The following ZC3H12D variants were observed in gnomAD, a reference collection of about 807,000 sequenced individuals.
The protein encoded by ZC3H12D is zinc finger CCCH-type containing 12D, also known as probable ribonuclease ZC3H12D.
Under a neutral mutation model 24.2 loss-of-function variants are expected in ZC3H12D, and 11 were observed. The observed-to-expected ratio is 0.46, with a 90% CI of 0.29 to 0.75. The LOEUF (loss-of-function observed/expected upper bound fraction) is 0.75. Ranked by LOEUF, ZC3H12D falls within the 30% of genes least tolerant of loss-of-function variation. The pLI, the probability that ZC3H12D is intolerant of heterozygous loss-of-function variation, is 0.11. For synonymous variants in ZC3H12D, 333 were observed against 341.8 expected, an observed-to-expected ratio of 0.97 and a Z score of 0.28; for missense variants, 740 against 767.7, an observed-to-expected ratio of 0.96 and a Z score of 0.43.
At chr6:149,478,847 G>C (rs1018172172) in intron 1 of ZC3H12D, among the ~76,000 whole-genome samples, 1 of 152,088 alleles carries the variant, frequency 6.6e-6, no homozygotes, top group Non-Finnish European at 1.5e-5. Context: ...CCTCCATCTG[G>C]CTTGTAGCCA....
chr6:149,454,978 T>C (rs940010166), intron 4 of ZC3H12D, among the ~76,000 whole-genome samples: 8 of 152,374 alleles, frequency 5.3e-5, no homozygotes, highest in African/African-American at 1.9e-4. Context: ...GTCCTGGGAA[T>C]AGCTGCTACC....
At chr6:149,480,282 A>C (rs566593903) in intron 1 of ZC3H12D, among the ~76,000 whole-genome samples, 1 of 152,278 alleles carries the variant, frequency 6.6e-6, no homozygotes, top group Admixed American at 6.5e-5. Flanking sequence ...GTTTTCAAAT[A>C]TGGTACATAT....
chr6:149,472,408 G>A (rs1776260225), intron 2 of ZC3H12D, among the ~76,000 whole-genome samples: 1 of 152,140 alleles, frequency 6.6e-6, no homozygotes, highest in African/African-American at 2.4e-5. Context: ...GGTTAACTCA[G>A]GTGTTTTGGA....
chr6:149,459,653 C>T, intron 3 of ZC3H12D: 1 of 717,984 alleles, frequency 1.4e-6, no homozygotes, highest in Non-Finnish European at 2.6e-6. Flanking sequence ...GGAGAATGGA[C>T]CTCCACTCAT....
At chr6:149,470,832 A>G (rs1776231792) in intron 2 of ZC3H12D, among the ~76,000 whole-genome samples, 1 of 152,222 alleles carries the variant, frequency 6.6e-6, no homozygotes. Context: ...CACTGGCCAC[A>G]TTTCAAGTGC....
At position 149,456,623 on chromosome 6, in the gene ZC3H12D, G is replaced by GGGGGGGGGGC; in HGVS notation, c.680+42_680+43insGCCCCCCCCC. On this transcript the variant is annotated intron_variant, in intron 4 of 5. Coordinates refer to ENST00000409806, the MANE Select transcript of ZC3H12D (RefSeq NM_207360.3). This position sits in a 1 kb window ranked among gnomAD's most constrained non-coding sequence, Gnocchi z 4.3. The stretch of plus-strand genomic sequence containing the variant: ...GCCACTGCCTCGACCCCGGCCCCCC[G>GGGGGGGGGGC]CCCCGCCGCCCCCCAGGGTGTCAGG... 1 of 744,584 alleles carries GGGGGGGGGGC rather than the reference G, an allele frequency of 1.3e-6. No individual in the cohort carries two copies. Among genetic ancestry groups the GGGGGGGGGGC allele is most frequent in the Non-Finnish European group, 2.2e-6 (1 of 456,104 alleles). The allele number at this position is 744,584 out of a possible 1,614,324, so 46.1% of individuals were successfully genotyped here. A position where few individuals can be genotyped will look rare whatever the true frequency, so the allele number is the denominator to read the frequency against.
Position 149,473,396 on chromosome 6 carries a change from C to T in ZC3H12D, c.305+843G>A, listed in dbSNP as rs1015311399. 3.3e-5 allele frequency among the ~76,000 whole-genome samples: 5 copies of T among 152,294 alleles called. No homozygotes were observed. The South Asian group carries it at 8.3e-4, about 25-fold the overall frequency. On this transcript the variant is annotated intron_variant, in intron 2 of 5. Transcript: ENST00000409806. ...CATATATTTACAGCTGGGAGTGAAC[C>T]ATTTCCTATGGCTCTGCCCTTTGCA...
At position 149,474,385 on chromosome 6, in the gene ZC3H12D, C is replaced by A; in HGVS notation, c.159G>T (p.Pro53=). 1 of 1,608,646 alleles carries A rather than the reference C, an allele frequency of 6.2e-7. No homozygotes were observed. Among genetic ancestry groups the A allele is most frequent in the Non-Finnish European group, 8.5e-7 (1 of 1,176,046 alleles). Residue 53 remains proline (P), a synonymous_variant, in exon 2 of 6, where the codon CCG becomes CCT. Coordinates refer to ENST00000409806, the MANE Select transcript of ZC3H12D (RefSeq NM_207360.3). ...CCCGAGGCACTAGCCTGGGTGCAGC[C>A]GGGTGCTCCAGGGCACCCGGGCGGC... ...TGSRPGALEH[P]AAPRLVPRGS... is the part of the protein sequence containing the mutation.
rs371448462 is a variant in ZC3H12D at position 149,465,688 on chromosome 6, G to A, written c.306-3718C>T. On this transcript the variant is annotated intron_variant, in intron 2 of 5. Transcript: ENST00000409806. ...GAGAATCACTTGAACCTGGGAGGTGGAGGTCACAGTGAGCTGAGATCGCAC... is the reference window on the plus strand; with the variant it reads ...GAGAATCACTTGAACCTGGGAGGTGAAGGTCACAGTGAGCTGAGATCGCAC... Among the ~76,000 whole-genome samples, 15 of 151,596 alleles carry A rather than the reference G, an allele frequency of 9.9e-5. No individual in the cohort carries two copies. The East Asian group carries it at 2.7e-3, about 28-fold the overall frequency.
rs761522114 is a variant in ZC3H12D at position 149,461,980 on chromosome 6, GA to G, written c.306-11del. 29 of 1,606,304 alleles carry G rather than the reference GA, an allele frequency of 1.8e-5. No individual in the cohort carries two copies. The African/African-American group carries it at 2.8e-4, about 16-fold the overall frequency. On this transcript the variant is annotated splice_polypyrimidine_tract_variant and intron_variant, in intron 2 of 5. Transcript: ENST00000409806. ...TTCTTTATTTCCATGGCTACAATGG[GA>G]AAACAAAGAAATCATAGAGACACAG...
chr6:149,471,017 T>C (rs1352469979), intron 2 of ZC3H12D, among the ~76,000 whole-genome samples: 6 of 152,192 alleles, frequency 3.9e-5, no homozygotes, highest in Non-Finnish European at 8.8e-5. Context: ...CAGCCATAGG[T>C]CTGTTTACCA....
At chr6:149,475,455 C>T (rs975432460) in intron 1 of ZC3H12D, among the ~76,000 whole-genome samples, 45 of 152,254 alleles carry the variant, frequency 3.0e-4, no homozygotes, top group Non-Finnish European at 5.9e-5. Context: ...TGGTGGCTCA[C>T]GCCTGTAATC....
rs1478744352 is a variant in ZC3H12D, at chr6:149,461,951, AG to A, written c.324del (p.Phe109SerfsTer76). The A allele has an allele frequency of 1.2e-6, 2 of 1,612,068 alleles. No homozygotes were observed. The highest frequency in any genetic ancestry group is 3.3e-5 in the Admixed American group (2 of 59,796). On this transcript the variant is annotated frameshift_variant, in exon 3 of 6. Transcript: ENST00000409806. LOFTEE classifies it high-confidence loss of function. Reference protein sequence around the residue: ...NVAMSHGNKETFSCRGIKLAV... With the variant: ...NVAMSHGNKEXFSCRGIKLAV... ...GCCAGCTTGATTCCCCGGCAAGAGA[AG>A]GTTTCTTTATTTCCATGGCTACAAT...
chr6:149,483,180 C>A (rs558980110), intron 1 of ZC3H12D: 1 of 152,334 alleles, frequency 6.6e-6, no homozygotes, highest in East Asian at 1.9e-4. Flanking sequence ...CAGCTCAGAG[C>A]TAGAGGCCCT....
chr6:149,461,792 T>C, intron 3 of ZC3H12D, 39 bp downstream of exon 3: 1 of 1,526,554 alleles, frequency 6.6e-7, no homozygotes, highest in Non-Finnish European at 8.8e-7. Context: ...CAAGGAAACG[T>C]GTCTAGTACC....
chr6:149,458,529 T>C (rs9498358), intron 3 of ZC3H12D, among the ~76,000 whole-genome samples: 32,027 of 152,052 alleles, frequency 0.21, 3,584 homozygotes, highest in African/African-American at 0.23. Context: ...CGTTCATCAT[T>C]GTGTTTGCGA....
At position 149,456,623 on chromosome 6, in the gene ZC3H12D, G is replaced by GCCCCCCC; in HGVS notation, c.680+42_680+43insGGGGGGG. On this transcript the variant is annotated intron_variant, in intron 4 of 5. Coordinates refer to ENST00000409806, the MANE Select transcript of ZC3H12D (RefSeq NM_207360.3). The surrounding 1 kb of genome is among the most constrained non-coding windows in gnomAD (Gnocchi z 4.3). ...GCCACTGCCTCGACCCCGGCCCCCCGCCCCGCCGCCCCCCAGGGTGTCAGG... is the reference window on the plus strand; with the variant it reads ...GCCACTGCCTCGACCCCGGCCCCCCGCCCCCCCCCCCGCCGCCCCCCAGGGTGTCAGG... 77 of 744,518 alleles carry GCCCCCCC rather than the reference G, an allele frequency of 1.0e-4. No individual in the cohort carries two copies. Among genetic ancestry groups the GCCCCCCC allele is most frequent in the Non-Finnish European group, 1.6e-4 (71 of 456,042 alleles). 46.1% of individuals were successfully genotyped at this position (744,518 alleles called of 1,614,324 possible).
chr6:149,470,791 A>G (rs1309782469), intron 2 of ZC3H12D, among the ~76,000 whole-genome samples: 1 of 152,208 alleles, frequency 6.6e-6, no homozygotes, highest in Non-Finnish European at 1.5e-5. Context: ...TTAATTGAAA[A>G]AATAAAATAT....
At chr6:149,458,107 TTTTC>T (rs1414554215) in intron 3 of ZC3H12D, among the ~76,000 whole-genome samples, 1 of 106,718 alleles carries the variant, frequency 9.4e-6, no homozygotes, top group African/African-American at 7.3e-5. Context: ...CTTTCTTTCT[TTTTC>T]TTTTTTTTTT....
Sources: gnomAD v4.1 joint callset for allele counts (sites outside exome capture counted in the v4.1 genomes callset) on GRCh38, gnomAD v4.1.1 for gene constraint, Gnocchi (gnomAD v3.1) non-coding constraint, MANE v1.5 for transcripts, NCBI Gene and HGNC (gene_info 2026-07-23, HGNC 2026-07-21) for gene names.